APC2: variants seen among roughly 807,000 people sequenced by gnomAD.
APC2 encodes APC regulator of Wnt signaling pathway 2.
In APC2, 41 loss-of-function variants were observed where a neutral mutation model predicts 72.5. The observed-to-expected ratio is 0.57, with a 90% CI of 0.44 to 0.73. The LOEUF is 0.73. APC2 is among the 30% of genes least tolerant of loss of function. APC2 has a pLI of 0.00. For missense variants in APC2, 3,729 were observed against 3,403.4 expected, an observed-to-expected ratio of 1.10 and a Z score of -2.38; for synonymous variants, 1,898 against 1,612.0, an observed-to-expected ratio of 1.18 and a Z score of -4.25.
upstream of APC2, chr19:1,446,261 CGGCGGGTCCGG>C (rs998888235): frequency 1.0e-6 from 1 of 984,476 alleles, no homozygotes; most frequent in Non-Finnish European, 1.2e-6. This position sits in a 1 kb window ranked among gnomAD's most constrained non-coding sequence, Gnocchi z 6.1. Context: ...GGGCGGGGCG[CGGCGGGTCCGG>C]GGCGGCCGCG....
Position 1,467,586 on chromosome 19 carries a change from A to G in APC2, c.4285A>G (p.Thr1429Ala), listed in dbSNP as rs1285188296. The change falls in exon 15 of 15, where the codon ACC (threonine) becomes GCC (alanine). Residue 1429 changes from threonine (T) to alanine (A), a missense_variant. Coordinates refer to ENST00000590469, the MANE Select transcript of APC2 (RefSeq NM_005883.3). ...PGGPAGRQRP[T>A]GRPTSARQAM... is the part of the protein sequence containing the mutation. ...GGGACCAGCGGGCAGGCAAAGACCC[A>G]CCGGCCGCCCCACCTCTGCCAGACA... 1.3e-6 allele frequency: 2 copies of G among 1,511,668 alleles called. No individual in the cohort carries two copies. The highest frequency in any genetic ancestry group is 1.4e-5 in the African/African-American group (1 of 69,770). 93.6% of individuals were successfully genotyped at this position (1,511,668 alleles called of 1,614,324 possible).
Position 1,467,569 on chromosome 19 carries a change from C to A in APC2, c.4268C>A (p.Ala1423Glu). The A allele has an allele frequency of 1.3e-6, 2 of 1,510,804 alleles. No homozygotes were observed. The highest frequency in any genetic ancestry group is 1.4e-5 in the African/African-American group (1 of 70,018). 93.6% of individuals were successfully genotyped at this position (1,510,804 alleles called of 1,614,324 possible). A position where few individuals can be genotyped will look rare whatever the true frequency, so the allele number is the denominator to read the frequency against. Residue 1423 changes from alanine to glutamate, a missense_variant, in exon 15 of 15, where the codon GCG (alanine) becomes GAG (glutamate). Ala to Glu is a moderately radical substitution (Grantham distance 107). Coordinates refer to ENST00000590469, the MANE Select transcript of APC2 (RefSeq NM_005883.3). The part of the protein sequence containing the change: ...GPPRDQPGGP[A>E]GRQRPTGRPT... ...CCCAGGGACCAGCCCGGGGGACCAG[C>A]GGGCAGGCAAAGACCCACCGGCCGC... is the stretch of plus-strand genomic sequence containing the variant.
Position 1,466,336 on chromosome 19 carries a change from G to T in APC2, c.3035G>T (p.Gly1012Val). The T allele has an allele frequency of 6.4e-7, 1 of 1,557,880 alleles. No individual in the cohort carries two copies. Among genetic ancestry groups the T allele is most frequent in the African/African-American group, 1.4e-5 (1 of 73,960 alleles). The change falls in exon 15 of 15, where the codon GGT becomes GTT. Residue 1012 changes from glycine to valine, a missense_variant. Gly to Val is a moderately radical substitution (Grantham distance 109). Transcript: ENST00000590469. ...CTGCTTGAGGGTGCCTCAAGGGCGG[G>T]TGCAGAGCCCCTCGCGGGGCCTGGA... ...VPLLEGASRA[G>V]AEPLAGPGIS...
chr19:1,464,694 G>A (rs1226967587), intron 14 of APC2, among the ~76,000 whole-genome samples: 1 of 145,002 alleles, frequency 6.9e-6, no homozygotes. Context: ...GTGCAGTGGC[G>A]CGATCTCGGC....
chr19:1,465,937 C>T lies in APC2; in HGVS notation c.2636C>T (p.Pro879Leu), dbSNP rs1212543795. 1.9e-6 allele frequency: 3 copies of T among 1,583,694 alleles called. No individual in the cohort carries two copies. The highest frequency in any genetic ancestry group is 1.8e-5 in the Admixed American group (1 of 56,290). ...AGCTTCAGCCTCAGCTCTGGAGACCCGGGACAGGAGGCGCCACGGGAGGGC... is the reference window on the plus strand; with the variant it reads ...AGCTTCAGCCTCAGCTCTGGAGACCTGGGACAGGAGGCGCCACGGGAGGGC... ...DDSFSLSSGD[P>L]GQEAPREGRA... Residue 879 changes from proline (P) to leucine (L), a missense_variant, in exon 15 of 15, where the codon CCG (proline) becomes CTG (leucine). Transcript: ENST00000590469.
rs750620567 is a variant in APC2, at chr19:1,466,198, G to A, written c.2897G>A (p.Arg966Gln). Residue 966 changes from arginine (R) to glutamine (Q), a missense_variant, in exon 15 of 15, where the codon CGG becomes CAG. Transcript: ENST00000590469. ...DPRCGQPRPSRLDLDLPGCQA... is the reference protein window; with the variant it reads ...DPRCGQPRPSQLDLDLPGCQA... ...AGGTGTGGGCAGCCTCGGCCCAGCC[G>A]GCTTGACCTTGACCTGCCCGGCTGC... 3.0e-5 allele frequency: 47 copies of A among 1,559,220 alleles called. 1 individual carries two copies. In the Admixed American group the frequency reaches 8.2e-4, roughly 27 times the overall value.
In APC2 at chr19:1,456,969, G is replaced by A. The variant is rs892389129; in HGVS notation, c.933G>A (p.Ser311=). 11 of 1,539,560 alleles carry A rather than the reference G, an allele frequency of 7.1e-6. No individual in the cohort carries two copies. Among genetic ancestry groups the A allele is most frequent in the African/African-American group, 1.4e-5 (1 of 72,980 alleles). Residue 311 remains serine (S), a synonymous_variant, in exon 9 of 15, where the codon TCG becomes TCA. Transcript: ENST00000590469. ...SPESCVAMRR[S]GCLPLLLQIL... ...AGAGCTGCGTGGCCATGCGCCGCTC[G>A]GGCTGTCTGCCTCTGCTGCTGCAAA...
Position 1,455,668 on chromosome 19 carries a change from G to T in APC2, c.639+168G>T, listed in dbSNP as rs548220671. Among the ~76,000 whole-genome samples, 6 of 152,252 alleles carry T rather than the reference G, an allele frequency of 3.9e-5. No homozygotes were observed. The East Asian group carries it at 1.2e-3, about 29-fold the overall frequency. ...GGAGGCGGGGCCAGAAGCTGGAGGT[G>T]TTGGTGGGTGGAGTCAGGAGGCTCA... On this transcript the variant is annotated intron_variant, in intron 6 of 14. Coordinates refer to ENST00000590469, the MANE Select transcript of APC2 (RefSeq NM_005883.3).
Position 1,467,477 on chromosome 19 carries a change from C to G in APC2, c.4176C>G (p.Ser1392=), listed in dbSNP as rs893642524. The change falls in exon 15 of 15, where the codon TCC becomes TCG. Residue 1392 remains serine, a synonymous_variant. Coordinates refer to ENST00000590469, the MANE Select transcript of APC2 (RefSeq NM_005883.3). ...AGGAGGACGACTCCTGCACTGACTC[C>G]GCGGAGGGCACGCCGGTCAACTTCT... is the stretch of plus-strand genomic sequence containing the variant. ...PAQEDDSCTD[S]AEGTPVNFSS... is the part of the protein sequence containing the mutation. 2.7e-6 allele frequency: 4 copies of G among 1,457,080 alleles called. No homozygotes were observed. In the Admixed American group the frequency reaches 7.3e-5, roughly 27 times the overall value. 90.3% of individuals were successfully genotyped at this position (1,457,080 alleles called of 1,614,324 possible).
chr19:1,469,740 C>A lies in APC2; in HGVS notation c.6439C>A (p.Arg2147=). The stretch of plus-strand genomic sequence containing the variant: ...GGTGGCCGCGCCGGGCACGACCTGG[C>A]GGCGCATCCGAGATGAGGACGTGCC... ...PRVAAPGTTW[R]RIRDEDVPHI... is the part of the protein sequence containing the mutation. Residue 2147 remains arginine, a synonymous_variant, in exon 15 of 15, where the codon CGG becomes AGG. Transcript: ENST00000590469. The A allele has an allele frequency of 1.3e-6, 2 of 1,481,912 alleles. No homozygotes were observed. The highest frequency in any genetic ancestry group is 2.9e-5 in the East Asian group (1 of 34,396). 91.8% of individuals were successfully genotyped at this position (1,481,912 alleles called of 1,614,324 possible).
Position 1,470,355 on chromosome 19 carries a change from G to T in APC2, c.*142G>T. On this transcript the variant is annotated 3_prime_UTR_variant, in exon 15 of 15. Coordinates refer to ENST00000590469, the MANE Select transcript of APC2 (RefSeq NM_005883.3). ...GAGCCCCACCACTCTCAGAACCCCCGCCCAGCGCACGGCGACCTCGCGCCT... is the reference window on the plus strand; with the variant it reads ...GAGCCCCACCACTCTCAGAACCCCCTCCCAGCGCACGGCGACCTCGCGCCT... 8.2e-7 allele frequency: 1 copy of T among 1,215,024 alleles called. No homozygotes were observed. Among genetic ancestry groups the T allele is most frequent in the South Asian group, 1.7e-5 (1 of 59,646 alleles). The allele number at this position is 1,215,024 out of a possible 1,614,324, so 75.3% of individuals were successfully genotyped here. A position where few individuals can be genotyped will look rare whatever the true frequency, so the allele number is the denominator to read the frequency against.
At position 1,468,151 on chromosome 19, in the gene APC2, ACAGCTCGCC is replaced by A. The variant is rs2145250587; in HGVS notation, c.4855_4863del (p.Ser1619_Ser1621del). ...GACCCGGGCCCAGGAGGCGGACGCGACAGCTCGCCCAGCCCGCGGGCCGCGGAGGAGCTT... is the reference window on the plus strand; with the variant it reads ...GACCCGGGCCCAGGAGGCGGACGCGACAGCCCGCGGGCCGCGGAGGAGCTT... On this transcript the variant is annotated inframe_deletion, in exon 15 of 15. Coordinates refer to ENST00000590469, the MANE Select transcript of APC2 (RefSeq NM_005883.3). 1 of 1,476,338 alleles carries A rather than the reference ACAGCTCGCC, an allele frequency of 6.8e-7. No homozygotes were observed. The highest frequency in any genetic ancestry group is 8.9e-7 in the Non-Finnish European group (1 of 1,121,582). 91.5% of individuals were successfully genotyped at this position (1,476,338 alleles called of 1,614,324 possible).
chr19:1,465,050 C>G (rs2083984038), intron 14 of APC2, 105 bp from the exon 15 acceptor site: 3 of 1,303,682 alleles, frequency 2.3e-6, no homozygotes, highest in South Asian at 1.4e-5. Flanking sequence ...AGATCCAAAC[C>G]TAACCAGATG....
intron 14 of APC2, 47 bp downstream of exon 14, chr19:1,462,224 C>A: frequency 6.9e-7 from 1 of 1,446,040 alleles, no homozygotes; most frequent in African/African-American, 1.4e-5. Flanking sequence ...GCGCTCGGGG[C>A]GGGCACAGGG....
chr19:1,455,448 C>G lies in APC2; in HGVS notation c.587C>G (p.Ser196Trp). The change falls in exon 6 of 15, where the codon TCG becomes TGG. Residue 196 changes from serine (S) to tryptophan (W), a missense_variant. Ser to Trp is a radical substitution (Grantham distance 177). Coordinates refer to ENST00000590469, the MANE Select transcript of APC2 (RefSeq NM_005883.3). ...QLEFEAQHIR[S>W]LMEERFGTSD... ...GAGTTCGAGGCCCAGCACATCCGCT[C>G]GCTGATGGAGGAGCGCTTCGGCACC... 6.2e-7 allele frequency: 1 copy of G among 1,606,950 alleles called. No individual in the cohort carries two copies. Among genetic ancestry groups the G allele is most frequent in the Non-Finnish European group, 8.5e-7 (1 of 1,177,200 alleles).
chr19:1,467,248 C>T lies in APC2; in HGVS notation c.3947C>T (p.Ala1316Val), dbSNP rs1353683327. 4 of 1,325,614 alleles carry T rather than the reference C, an allele frequency of 3.0e-6. No individual in the cohort carries two copies. In the African/African-American group the frequency reaches 4.6e-5, roughly 15 times the overall value. 82.1% of individuals were successfully genotyped at this position (1,325,614 alleles called of 1,614,324 possible). A position where few individuals can be genotyped will look rare whatever the true frequency, so the allele number is the denominator to read the frequency against. The change falls in exon 15 of 15, where the codon GCA becomes GTA. Residue 1316 changes from alanine to valine, a missense_variant. Coordinates refer to ENST00000590469, the MANE Select transcript of APC2 (RefSeq NM_005883.3). ...GGAGGAGLHF[A>V]GHRRREEGPA... ...GCCGGGGGCGCCGGCCTCCACTTTGCAGGGCACCGGCGGCGGGAGGAGGGG... is the reference window on the plus strand; with the variant it reads ...GCCGGGGGCGCCGGCCTCCACTTTGTAGGGCACCGGCGGCGGGAGGAGGGG...
chr19:1,465,528 G>A lies in APC2; in HGVS notation c.2227G>A (p.Glu743Lys), dbSNP rs1297990938. ...RHLAQALEHL[E>K]KQGPPAAEAA... is the part of the protein sequence containing the mutation. ...CCTCGCGCAGGCGCTGGAGCACCTG[G>A]AGAAGCAGGGCCCGCCGGCAGCCGA... Residue 743 changes from glutamate (E) to lysine (K), a missense_variant, in exon 15 of 15, where the codon GAG becomes AAG. By Grantham distance (56) the Glu-to-Lys change is moderately conservative. Coordinates refer to ENST00000590469, the MANE Select transcript of APC2 (RefSeq NM_005883.3). The A allele has an allele frequency of 1.3e-6, 2 of 1,528,352 alleles. No homozygotes were observed. The highest frequency in any genetic ancestry group is 1.4e-5 in the African/African-American group (1 of 71,886). The allele number at this position is 1,528,352 out of a possible 1,614,324, so 94.7% of individuals were successfully genotyped here.
chr19:1,456,273 A>G (rs1261626929), intron 7 of APC2, 33 bp from the exon 8 acceptor site: 1 of 1,586,852 alleles, frequency 6.3e-7, no homozygotes, highest in African/African-American at 1.3e-5. Flanking sequence ...GTGCTCTGGG[A>G]CTGTACCCCC....
Position 1,470,841 on chromosome 19 carries a change from G to A in APC2, c.*628G>A, listed in dbSNP as rs1299948762. On this transcript the variant is annotated 3_prime_UTR_variant, in exon 15 of 15. Coordinates refer to ENST00000590469, the MANE Select transcript of APC2 (RefSeq NM_005883.3). The stretch of plus-strand genomic sequence containing the variant: ...GGAAGCCCCGCCCAGACGGTGTTCA[G>A]GGAACCCGGAGCCCAAGCGCTCCGG... 1.3e-5 allele frequency: 2 copies of A among 152,382 alleles called. No homozygotes were observed. Among genetic ancestry groups the A allele is most frequent in the African/African-American group, 4.8e-5 (2 of 41,464 alleles). 9.4% of individuals were successfully genotyped at this position (152,382 alleles called of 1,614,324 possible).
Sources: allele counts gnomAD v4.1 joint callset (sites outside exome capture counted in the v4.1 genomes callset), GRCh38; gene constraint gnomAD v4.1.1; non-coding constraint Gnocchi (gnomAD v3.1); transcripts MANE v1.5; gene names NCBI Gene and HGNC (gene_info 2026-07-23, HGNC 2026-07-21).